VPS11: variants seen among roughly 807,000 people sequenced by gnomAD.
VPS11 encodes VPS11 core subunit of CORVET and HOPS complexes.
Under a neutral mutation model 106.8 loss-of-function variants are expected in VPS11, and 51 were observed. The observed-to-expected ratio is 0.48, with a 90% confidence interval of 0.38 to 0.60. The LOEUF (loss-of-function observed/expected upper bound fraction) is 0.60. VPS11 is among the 20% of genes least tolerant of loss of function. The pLI is 0.00. For missense variants in VPS11, 950 were observed against 1,190.0 expected, an observed-to-expected ratio of 0.80 and a Z score of 2.97; for synonymous variants, 453 against 458.7, an observed-to-expected ratio of 0.99 and a Z score of 0.16.
chr11:119,071,792 G>T lies in VPS11; in HGVS notation c.833G>T (p.Trp278Leu). The change falls in exon 5 of 16, where the codon TGG (tryptophan) becomes TTG (leucine). Residue 278 changes from tryptophan to leucine, a missense_variant. Physicochemically the swap from Trp to Leu is moderately conservative, Grantham distance 61. This residue lies in a region of VPS11 where 435 missense variants were observed against 630.2 expected (regional missense o/e 0.69). Coordinates refer to ENST00000621676, the MANE Select transcript of VPS11 (RefSeq NM_021729.6). The part of the protein sequence containing the change: ...AFEGHKLIAH[W>L]FRGYLIIVSR... Reference sequence around the variant, plus strand: ...GAGGGCCATAAGCTCATTGCCCACTGGTTTAGAGGCTACCTTATCATTGTC... The same window carrying T: ...GAGGGCCATAAGCTCATTGCCCACTTGTTTAGAGGCTACCTTATCATTGTC... 1.2e-6 allele frequency: 2 copies of T among 1,613,926 alleles called. No homozygotes were observed. The highest frequency in any genetic ancestry group is 2.2e-5 in the East Asian group (1 of 44,884).
At chr11:119,081,368 C>G (rs1367988380) in intron 15 of VPS11, 54 bp downstream of exon 15, 2 of 1,611,008 alleles carry the variant, frequency 1.2e-6, no homozygotes, top group East Asian at 4.5e-5. Context: ...GTCACAGAGT[C>G]ACTGGAGGGC....
At position 119,077,591 on chromosome 11, in the gene VPS11, G is replaced by A. The variant is rs781798278; in HGVS notation, c.1516G>A (p.Ala506Thr). 3.1e-6 allele frequency: 5 copies of A among 1,613,614 alleles called. No homozygotes were observed. The East Asian group carries it at 8.9e-5, about 29-fold the overall frequency. Residue 506 changes from alanine (A) to threonine (T), a missense_variant, in exon 9 of 16, where the codon GCG becomes ACG. Coordinates refer to ENST00000621676, the MANE Select transcript of VPS11 (RefSeq NM_021729.6). Reference sequence around the variant, plus strand: ...CTACTACTCCCATGCCCTGTATCTGGCGGAGAACCATGCACATCATGAGTG... The same window carrying A: ...CTACTACTCCCATGCCCTGTATCTGACGGAGAACCATGCACATCATGAGTG... ...AGYYSHALYL[A>T]ENHAHHEWYL...
In VPS11 at chr11:119,073,376, A is replaced by G. The variant is rs1945474050; in HGVS notation, c.1063A>G (p.Lys355Glu). ...TGGGCGGGTCCACGCACTGCAGGAG[A>G]AGGACACACAGACCAAACTGGAGGC... ...RDGRVHALQE[K>E]DTQTKLEMLF... Residue 355 changes from lysine (K) to glutamate (E), a missense_variant, in exon 6 of 16, where the codon AAG becomes GAG. By Grantham distance (56) the Lys-to-Glu change is moderately conservative. Around this residue, in one of 3 missense-constraint regions of VPS11, gnomAD observed 435 missense variants for 630.2 expected, o/e 0.69. Transcript: ENST00000621676. 1 of 1,613,194 alleles carries G rather than the reference A, an allele frequency of 6.2e-7. No individual in the cohort carries two copies. The highest frequency in any genetic ancestry group is 1.3e-5 in the African/African-American group (1 of 75,010).
At chr11:119,081,033 C>T in intron 14 of VPS11, 59 bp from the exon 15 acceptor site, 1 of 1,511,122 alleles carries the variant, frequency 6.6e-7, no homozygotes, top group Non-Finnish European at 9.2e-7. Context: ...CTTTCTCATC[C>T]TTGACTCCTG....
At position 119,078,885 on chromosome 11, in the gene VPS11, C is replaced by G. The variant is rs1945741197; in HGVS notation, c.2154C>G (p.Ser718=). 1.2e-6 allele frequency: 2 copies of G among 1,613,914 alleles called. No homozygotes were observed. The highest frequency in any genetic ancestry group is 1.3e-5 in the African/African-American group (1 of 74,938). ...AGCGCCATGGGGAGCAGGACCCCTCCTTGTGGGAGCAGGCCCTCAGCTACT... is the reference window on the plus strand; with the variant it reads ...AGCGCCATGGGGAGCAGGACCCCTCGTTGTGGGAGCAGGCCCTCAGCTACT... The part of the protein sequence containing the change: ...VCERHGEQDP[S]LWEQALSYFA... Residue 718 remains serine, a synonymous_variant, in exon 13 of 16, where the codon TCC becomes TCG. Coordinates refer to ENST00000621676, the MANE Select transcript of VPS11 (RefSeq NM_021729.6).
rs1945749439 is a variant in VPS11 at position 119,079,054 on chromosome 11, A to G, written c.2266+57A>G. On this transcript the variant is annotated intron_variant, in intron 13 of 15. Transcript: ENST00000621676. Reference sequence around the variant, plus strand: ...GCTGCTGACAGCTGGGCTCTGTGGCAGGGGCCCTTCACCTTTATCCAGAGA... The same window carrying G: ...GCTGCTGACAGCTGGGCTCTGTGGCGGGGGCCCTTCACCTTTATCCAGAGA... 1.9e-6 allele frequency: 3 copies of G among 1,612,206 alleles called. No individual in the cohort carries two copies. The African/African-American group carries it at 4.0e-5, about 22-fold the overall frequency.
Position 119,073,795 on chromosome 11 carries a change from T to TA in VPS11, c.1087-5_1087-4insA. ...ACCAATTTTCTAATCTCTCTTCCCT[T>TA]CTAGATGCTGTTTAAGAAGAACCTA... On this transcript the variant is annotated splice_polypyrimidine_tract_variant and splice_region_variant and intron_variant, in intron 6 of 15. Coordinates refer to ENST00000621676, the MANE Select transcript of VPS11 (RefSeq NM_021729.6). 1.9e-6 allele frequency: 3 copies of TA among 1,601,642 alleles called. No homozygotes were observed. The highest frequency in any genetic ancestry group is 2.6e-6 in the Non-Finnish European group (3 of 1,169,294).
intron 1 of VPS11, chr11:119,068,312 C>T (rs1458152329): frequency 2.5e-6 from 1 of 401,992 alleles, no homozygotes; most frequent in Non-Finnish European, 4.4e-6. Context: ...TGCAAGTTGG[C>T]TTTAAAAGAT....
intron 7 of VPS11, among the ~76,000 whole-genome samples, chr11:119,075,140 G>T (rs1473924341): frequency 6.6e-6 from 1 of 151,932 alleles, no homozygotes; most frequent in Non-Finnish European, 1.5e-5. Context: ...CGTGGCGGGC[G>T]CCTGTAGTCC....
At chr11:119,076,868 G>A in intron 7 of VPS11, 29 bp from the exon 8 acceptor site, 1 of 1,611,740 alleles carries the variant, frequency 6.2e-7, no homozygotes, top group Non-Finnish European at 8.5e-7. Context: ...CACTGATTCA[G>A]ATGCTATCGG....
Position 119,067,885 on chromosome 11 carries a change from C to A in VPS11, c.62C>A (p.Pro21Gln). The change falls in exon 1 of 16, where the codon CCG becomes CAG. Residue 21 changes from proline (P) to glutamine (Q), a missense_variant. Around this residue, in one of 3 missense-constraint regions of VPS11, gnomAD observed 62 missense variants for 45.1 expected, o/e 1.37. Transcript: ENST00000621676. ...TTCGACAAGGAGCTGGTGAAGGAGC[C>A]GCTGAGCAATGATGGGGCCGCTCCC... is the stretch of plus-strand genomic sequence containing the variant. ...VFFDKELVKEPLSNDGAAPGA... is the reference protein window; with the variant it reads ...VFFDKELVKEQLSNDGAAPGA... The A allele has an allele frequency of 6.3e-7, 1 of 1,586,114 alleles. No homozygotes were observed. The highest frequency in any genetic ancestry group is 8.6e-7 in the Non-Finnish European group (1 of 1,166,054).
rs117972538 is a variant in VPS11, at chr11:119,069,695, C to A, written c.472+118C>A. ...ACTTTGTACTGAACTGAGGCCTTTG[C>A]GATATTAAATTTTGGAATGGGGGCC... On this transcript the variant is annotated intron_variant, in intron 3 of 15. Transcript: ENST00000621676. 1,367 of 1,432,832 alleles carry A rather than the reference C, an allele frequency of 9.5e-4. 14 individuals are homozygous for A. In the East Asian group the frequency reaches 0.019, roughly 20 times the overall value. The allele number at this position is 1,432,832 out of a possible 1,614,324, so 88.8% of individuals were successfully genotyped here.
In VPS11 at chr11:119,067,847, G is replaced by C. The variant is rs2133639057; in HGVS notation, c.24G>C (p.Arg8=). MAAYLQW[R]RFVFFDKELV... ...AAATGGCGGCCTACCTGCAGTGGCG[G>C]CGCTTCGTTTTCTTCGACAAGGAGC... is the stretch of plus-strand genomic sequence containing the variant. Residue 8 remains arginine (R), a synonymous_variant, in exon 1 of 16, where the codon CGG becomes CGC. Transcript: ENST00000621676. The C allele has an allele frequency of 1.2e-5, 18 of 1,553,538 alleles. No homozygotes were observed. The African/African-American group carries it at 2.0e-4, about 18-fold the overall frequency.
intron 11 of VPS11, 76 bp from the exon 12 acceptor site, chr11:119,078,489 A>T: frequency 6.3e-7 from 1 of 1,585,578 alleles, no homozygotes; most frequent in South Asian, 1.1e-5. Flanking sequence ...TGAGGGAAAG[A>T]GTTGACTGGC....
In VPS11 at chr11:119,077,974, C is replaced by T. The variant is rs781784085; in HGVS notation, c.1669C>T (p.Pro557Ser). The stretch of plus-strand genomic sequence containing the variant: ...CGGCAAGATCCTCATGCACCACATA[C>T]CAGAGCAGACAACTCAGTTGCTGAA... ...RYGKILMHHI[P>S]EQTTQLLKGL... The change falls in exon 10 of 16, where the codon CCA becomes TCA. Residue 557 changes from proline to serine, a missense_variant. Transcript: ENST00000621676. The T allele has an allele frequency of 1.2e-6, 2 of 1,613,952 alleles. No individual in the cohort carries two copies. Among genetic ancestry groups the T allele is most frequent in the Non-Finnish European group, 1.7e-6 (2 of 1,179,896 alleles).
At chr11:119,077,131 G>A (rs1364146677) in intron 8 of VPS11, 48 bp downstream of exon 8, 2 of 1,579,608 alleles carry the variant, frequency 1.3e-6, no homozygotes, top group Non-Finnish European at 1.7e-6. Context: ...CACTGAGCAT[G>A]AGGTGGCTCC....
At position 119,077,145 on chromosome 11, in the gene VPS11, G is replaced by A. The variant is rs73562617; in HGVS notation, c.1425+62G>A. 2.5e-3 allele frequency: 3,922 copies of A among 1,558,272 alleles called. 88 individuals are homozygous for A. The African/African-American group carries it at 0.046, about 18-fold the overall frequency. On this transcript the variant is annotated intron_variant, in intron 8 of 15. Coordinates refer to ENST00000621676, the MANE Select transcript of VPS11 (RefSeq NM_021729.6). ...CCACTGAGCATGAGGTGGCTCCACC[G>A]GGACTTGTTCGTTTCAGCAAGACAT...
At chr11:119,074,171 C>T (rs1945510075) in intron 7 of VPS11, among the ~76,000 whole-genome samples, 1 of 151,940 alleles carries the variant, frequency 6.6e-6, no homozygotes, top group African/African-American at 2.4e-5. Flanking sequence ...CTGCAACCTT[C>T]CCTCCTGGGT....
In VPS11 at chr11:119,081,685, G is replaced by C; in HGVS notation, c.*62G>C. On this transcript the variant is annotated 3_prime_UTR_variant, in exon 16 of 16. Coordinates refer to ENST00000621676, the MANE Select transcript of VPS11 (RefSeq NM_021729.6). ...CAAGAGAACAGACACAATGGGACCT[G>C]GGCGGGCGTTACACAGAAGGCTGGC... The C allele has an allele frequency of 6.3e-7, 1 of 1,578,040 alleles. No individual in the cohort carries two copies. Among genetic ancestry groups the C allele is most frequent in the Non-Finnish European group, 8.6e-7 (1 of 1,160,154 alleles).
Sources: allele counts gnomAD v4.1 joint callset (sites outside exome capture counted in the v4.1 genomes callset), GRCh38; gene constraint gnomAD v4.1.1; regional missense constraint gnomAD v4.1.1; transcripts MANE v1.5; gene names NCBI Gene and HGNC (gene_info 2026-07-23, HGNC 2026-07-21).